Variants in PRELID2 observed in about 807,000 individuals in gnomAD.
PRELID2 encodes the protein PRELI domain-containing protein 2.
PRELID2 carries 25 observed loss-of-function variants against 28.4 expected under a neutral mutation model. That is an observed-to-expected ratio of 0.88 (90% CI 0.64 to 1.23). The LOEUF (loss-of-function observed/expected upper bound fraction) is 1.23. Among genes scored for constraint, PRELID2 ranks in the 50% most tolerant of loss-of-function variants. PRELID2 has a pLI of 0.00. For missense variants in PRELID2, 201 were observed against 214.4 expected (o/e 0.94, Z 0.39); for synonymous variants, 76 against 71.6 (o/e 1.06, Z -0.31).
intron 1 of PRELID2, among the ~76,000 whole-genome samples, chr5:145,489,917 T>A (rs1375217830): frequency 2.6e-5 from 4 of 152,188 alleles, no homozygotes; most frequent in East Asian, 1.9e-4. Context: ...ACCAAAAAAA[T>A]TATCCATTAT....
At chr5:145,513,498 G>A (rs1053633216) in intron 1 of PRELID2, among the ~76,000 whole-genome samples, 7 of 152,008 alleles carry the variant, frequency 4.6e-5, no homozygotes, top group Admixed American at 6.6e-5. Context: ...TGAAAAGACC[G>A]AATCTACGTT....
At chr5:145,564,626 T>C (rs973544803) in intron 1 of PRELID2, among the ~76,000 whole-genome samples, 2 of 152,206 alleles carry the variant, frequency 1.3e-5, no homozygotes, top group Non-Finnish European at 2.9e-5. Context: ...ATTTTATCCA[T>C]TATTTACATG....
the PRELID2 span, among the ~76,000 whole-genome samples, chr5:145,414,907 T>C: frequency 3.9e-5 from 6 of 152,176 alleles, no homozygotes; most frequent in African/African-American, 1.4e-4. Flanking sequence ...AAAATAGATT[T>C]GGAAAATCAT....
chr5:145,501,458 T>G (rs145640598), intron 1 of PRELID2, among the ~76,000 whole-genome samples: 4 of 152,130 alleles, frequency 2.6e-5, no homozygotes, highest in Non-Finnish European at 4.4e-5. Flanking sequence ...TTCTCATGTG[T>G]TGTGGGAGAG....
chr5:145,426,219 C>G, the PRELID2 span, among the ~76,000 whole-genome samples: 1 of 152,098 alleles, frequency 6.6e-6, no homozygotes, highest in East Asian at 1.9e-4. Context: ...CATTGATGTC[C>G]AGCCCAAATA....
At chr5:145,405,907 G>A in the PRELID2 span, among the ~76,000 whole-genome samples, 14 of 151,788 alleles carry the variant, frequency 9.2e-5, no homozygotes, top group East Asian at 7.8e-4. Flanking sequence ...GGGTTTCACC[G>A]TTTTAGCCAG....
At chr5:145,414,088 G>T in the PRELID2 span, among the ~76,000 whole-genome samples, 2 of 152,076 alleles carry the variant, frequency 1.3e-5, no homozygotes, top group East Asian at 1.9e-4. Flanking sequence ...TGCCCCTACT[G>T]TTATCTGACC....
the PRELID2 span, among the ~76,000 whole-genome samples, chr5:145,449,576 G>A: frequency 6.6e-6 from 1 of 152,066 alleles, no homozygotes; most frequent in Admixed American, 6.6e-5. Context: ...CAACTTTTGT[G>A]TGCAAAAATC....
chr5:145,408,201 A>G, the PRELID2 span, among the ~76,000 whole-genome samples: 7 of 152,072 alleles, frequency 4.6e-5, no homozygotes, highest in Non-Finnish European at 1.0e-4. Context: ...GCAAATGAGA[A>G]GGAACCAGGA....
At chr5:145,583,743 G>A (rs1316361752) in intron 1 of PRELID2, among the ~76,000 whole-genome samples, 1 of 151,918 alleles carries the variant, frequency 6.6e-6, no homozygotes, top group Non-Finnish European at 1.5e-5. Context: ...GAGAAATGAA[G>A]GATCTCTTCA....
chr5:145,415,869 A>G, the PRELID2 span, among the ~76,000 whole-genome samples: 18 of 151,732 alleles, frequency 1.2e-4, no homozygotes, highest in African/African-American at 4.4e-4. Flanking sequence ...GACTTCCACA[A>G]TGGTTGAACT....
intron 1 of PRELID2, among the ~76,000 whole-genome samples, chr5:145,700,492 C>T (rs1371846244): frequency 1.3e-5 from 2 of 152,108 alleles, no homozygotes; most frequent in African/African-American, 2.4e-5. Flanking sequence ...TCATAAATAG[C>T]CACTGCCAAT....
At chr5:145,342,902 T>TAAAAAAAAAAAAAAAA in the PRELID2 span, among the ~76,000 whole-genome samples, 3 of 128,970 alleles carry the variant, frequency 2.3e-5, no homozygotes, top group Non-Finnish European at 3.3e-5. Context: ...TCAAAAACAG[T>TAAAAAAAAAAAAAAAA]AAAAAAAAAA....
intron 1 of PRELID2, chr5:145,728,414 C>T (rs1654239): frequency 0.17 from 89,915 of 531,502 alleles, 8,701 homozygotes; most frequent in African/African-American, 0.29. Context: ...ATCCACACTT[C>T]AAGCTTCAGC....
At chr5:145,606,718 G>C (rs1008368379) in intron 1 of PRELID2, among the ~76,000 whole-genome samples, 1 of 152,000 alleles carries the variant, frequency 6.6e-6, no homozygotes. Flanking sequence ...ATATTGGCCT[G>C]AATTTTTCTT....
chr5:145,405,699 G>GTTTTTTTTTTTTTTTTTTTTTTTTT, the PRELID2 span, among the ~76,000 whole-genome samples: 1 of 45,992 alleles, frequency 2.2e-5, no homozygotes, highest in Non-Finnish European at 4.8e-5. Context: ...GTACCACATA[G>GTTTTTTTTTTTTTTTTTTTTTTTTT]TTGTTTTTTT....
At chr5:145,508,598 G>T (rs1437489287) in intron 1 of PRELID2, among the ~76,000 whole-genome samples, 3 of 151,978 alleles carry the variant, frequency 2.0e-5, no homozygotes, top group Non-Finnish European at 4.4e-5. Context: ...AGAAAACATT[G>T]TGTCTGTCCC....
chr5:145,563,932 C>CA (rs1458705532), intron 1 of PRELID2, among the ~76,000 whole-genome samples: 4 of 151,828 alleles, frequency 2.6e-5, no homozygotes, highest in South Asian at 2.1e-4. Context: ...GTGCTCTCAC[C>CA]AAAAAAAGTA....
At chr5:145,288,527 T>A in the PRELID2 span, among the ~76,000 whole-genome samples, 2 of 152,250 alleles carry the variant, frequency 1.3e-5, no homozygotes, top group African/African-American at 4.8e-5. Flanking sequence ...TTAGAATCAG[T>A]CATTTCTGCA....
Sources: allele counts gnomAD v4.1 joint callset (sites outside exome capture counted in the v4.1 genomes callset), GRCh38; gene constraint gnomAD v4.1.1; transcripts MANE v1.5; gene names NCBI Gene and HGNC (gene_info 2026-07-23, HGNC 2026-07-21).